The following CEACAM6 variants were observed in gnomAD, a reference collection of about 807,000 sequenced individuals.
The protein encoded by CEACAM6 is CEA cell adhesion molecule 6, also known as cell adhesion molecule CEACAM6.
In CEACAM6, 21 loss-of-function variants were observed where a neutral mutation model predicts 32.4. That is an observed-to-expected ratio of 0.65 (90% CI 0.46 to 0.93). The LOEUF (loss-of-function observed/expected upper bound fraction) is 0.93, where lower values mean the gene tolerates loss of function less well. CEACAM6 is among the 40% of genes least tolerant of loss of function. The probability of loss-of-function intolerance (pLI) is 0.00; values close to 1 mark genes in which losing one functional copy is unlikely to be tolerated. For synonymous variants in CEACAM6, 184 were observed against 174.4 expected (o/e 1.06, Z -0.43); for missense variants, 406 against 432.2 (o/e 0.94, Z 0.54).
At position 41,761,545 on chromosome 19, in the gene CEACAM6, C is replaced by T. The variant is rs2072924436; in HGVS notation, c.703+18C>T. 1 of 1,611,978 alleles carries T rather than the reference C, an allele frequency of 6.2e-7. No individual in the cohort carries two copies. The highest frequency in any genetic ancestry group is 1.3e-5 in the African/African-American group (1 of 74,992). Reference sequence around the variant, plus strand: ...TGTCCTCTGTGAGTATCTTCTGTTCCTCTGTGGCCCAGGCTGCCAGCCCAA... The same window carrying T: ...TGTCCTCTGTGAGTATCTTCTGTTCTTCTGTGGCCCAGGCTGCCAGCCCAA... On this transcript the variant is annotated intron_variant, in intron 3 of 5. Coordinates refer to ENST00000199764, the MANE Select transcript of CEACAM6 (RefSeq NM_002483.7).
chr19:41,764,246 CTT>C (rs2072944031), intron 4 of CEACAM6, among the ~76,000 whole-genome samples: 1 of 152,136 alleles, frequency 6.6e-6, no homozygotes, highest in Non-Finnish European at 1.5e-5. Flanking sequence ...TTACCGCACT[CTT>C]TTAATCTTTA....
chr19:41,757,985 T>C (rs546524786), intron 2 of CEACAM6: 2 of 152,188 alleles, frequency 1.3e-5, no homozygotes, highest in Non-Finnish European at 2.9e-5. Flanking sequence ...CCGGGGGTGA[T>C]GGGGCTGTTT....
intron 4 of CEACAM6, among the ~76,000 whole-genome samples, chr19:41,764,878 T>A (rs1292509845): frequency 6.6e-6 from 1 of 152,244 alleles, no homozygotes; most frequent in African/African-American, 2.4e-5. Context: ...ATCAATTTCT[T>A]GCACAAGATT....
At chr19:41,767,901 G>T (rs1555822527) in intron 5 of CEACAM6, among the ~76,000 whole-genome samples, 1 of 152,012 alleles carries the variant, frequency 6.6e-6, no homozygotes, top group African/African-American at 2.4e-5. Context: ...GGGAAGCACT[G>T]TCAAATGATA....
At chr19:41,769,051 T>C (rs541337909) in intron 5 of CEACAM6, among the ~76,000 whole-genome samples, 2 of 152,170 alleles carry the variant, frequency 1.3e-5, no homozygotes, top group South Asian at 4.2e-4. Flanking sequence ...GTTCAAGCGA[T>C]TCTCCTGCCT....
chr19:41,766,342 C>T, intron 5 of CEACAM6, 43 bp downstream of exon 5: 3 of 1,041,196 alleles, frequency 2.9e-6, no homozygotes, highest in Non-Finnish European at 2.8e-6. Context: ...GCAGGGCTGA[C>T]CACCATGCTT....
At chr19:41,759,982 C>T (rs543042804) in intron 2 of CEACAM6, among the ~76,000 whole-genome samples, 29 of 152,272 alleles carry the variant, frequency 1.9e-4, no homozygotes, top group South Asian at 2.1e-4. Context: ...GGGTGCTAAA[C>T]GGGTAAGTCT....
At position 41,756,754 on chromosome 19, in the gene CEACAM6, G is replaced by A. The variant is rs1371007553; in HGVS notation, c.219G>A (p.Val73=). The A allele has an allele frequency of 1.9e-6, 3 of 1,613,966 alleles. No homozygotes were observed. The African/African-American group carries it at 4.0e-5, about 22-fold the overall frequency. The stretch of plus-strand genomic sequence containing the variant: ...ACAGCTGGTACAAAGGCGAAAGAGT[G>A]GATGGCAACAGTCTAATTGTAGGAT... ...IGYSWYKGER[V]DGNSLIVGYV... Residue 73 remains valine, a synonymous_variant, in exon 2 of 6, where the codon GTG becomes GTA. Coordinates refer to ENST00000199764, the MANE Select transcript of CEACAM6 (RefSeq NM_002483.7).
At position 41,761,341 on chromosome 19, in the gene CEACAM6, A is replaced by G. The variant is rs2072922451; in HGVS notation, c.517A>G (p.Asn173Asp). The G allele has an allele frequency of 6.2e-7, 1 of 1,614,214 alleles. No individual in the cohort carries two copies. The highest frequency in any genetic ancestry group is 8.5e-7 in the Non-Finnish European group (1 of 1,180,024). The change falls in exon 3 of 6, where the codon AAC becomes GAC. Residue 173 changes from asparagine (N) to aspartate (D), a missense_variant. Asn to Asp is a conservative substitution (Grantham distance 23). Transcript: ENST00000199764. ...CTTCACCTGTGAACCTGAGGTTCAG[A>G]ACACAACCTACCTGTGGTGGGTAAA... ...VAFTCEPEVQ[N>D]TTYLWWVNGQ...
Position 41,761,334 on chromosome 19 carries a change from G to A in CEACAM6, c.510G>A (p.Glu170=), listed in dbSNP as rs782511112. The A allele has an allele frequency of 2.0e-5, 33 of 1,614,068 alleles. No homozygotes were observed. The highest frequency in any genetic ancestry group is 3.3e-5 in the Admixed American group (2 of 60,000). The change falls in exon 3 of 6, where the codon GAG becomes GAA. Residue 170 remains glutamate, a synonymous_variant. Transcript: ENST00000199764. ...CTGTGGCCTTCACCTGTGAACCTGA[G>A]GTTCAGAACACAACCTACCTGTGGT... is the stretch of plus-strand genomic sequence containing the variant. ...KDAVAFTCEP[E]VQNTTYLWWV...
chr19:41,769,143 C>T (rs1205604910), intron 5 of CEACAM6, among the ~76,000 whole-genome samples: 2 of 152,064 alleles, frequency 1.3e-5, no homozygotes, highest in African/African-American at 4.8e-5. Flanking sequence ...CGGGGTTTCT[C>T]CATGGTGATA....
intron 2 of CEACAM6, among the ~76,000 whole-genome samples, chr19:41,758,860 C>T (rs2072905431): frequency 6.6e-6 from 1 of 152,190 alleles, no homozygotes; most frequent in South Asian, 2.1e-4. Context: ...TCAGCCGGAG[C>T]AGCCGCCCCT....
At chr19:41,765,957 A>G (rs2072953133) in intron 4 of CEACAM6, among the ~76,000 whole-genome samples, 2 of 152,252 alleles carry the variant, frequency 1.3e-5, no homozygotes, top group African/African-American at 2.4e-5. Context: ...TCAAATTTTC[A>G]AAGCCTTCAA....
Position 41,767,495 on chromosome 19 carries a change from C to T in CEACAM6, c.*40+1196C>T, listed in dbSNP as rs370808300. On this transcript the variant is annotated intron_variant, in intron 5 of 5. Transcript: ENST00000199764. ...ATCATGATACCAAAGTAGAAAGGAG[C>T]GAATGCCACAAAAATTCAGATAAAT... 5.3e-5 allele frequency among the ~76,000 whole-genome samples: 8 copies of T among 152,210 alleles called. No individual in the cohort carries two copies. In the East Asian group the frequency reaches 7.7e-4, roughly 15 times the overall value.
chr19:41,761,105 C>A, intron 2 of CEACAM6, 144 bp from the exon 3 acceptor site: 1 of 1,469,340 alleles, frequency 6.8e-7, no homozygotes. Context: ...CATCGTGCAT[C>A]TGTTGTGTGA....
chr19:41,757,105 G>C (rs1266561447), intron 2 of CEACAM6, 146 bp downstream of exon 2: 27 of 1,377,206 alleles, frequency 2.0e-5, no homozygotes, highest in Admixed American at 4.6e-5. Context: ...CACACACGGG[G>C]GAGACAAACT....
chr19:41,756,455 C>G (rs1379913471), intron 1 of CEACAM6, 145 bp from the exon 2 acceptor site: 2 of 154,636 alleles, frequency 1.3e-5, no homozygotes, highest in East Asian at 1.5e-3. Flanking sequence ...CTCAGTAGGA[C>G]ACACACACAC....
chr19:41,761,474 T>C lies in CEACAM6; in HGVS notation c.650T>C (p.Ile217Thr), dbSNP rs782639699. 6.2e-6 allele frequency: 10 copies of C among 1,614,032 alleles called. No homozygotes were observed. The highest frequency in any genetic ancestry group is 1.3e-5 in the African/African-American group (1 of 74,920). The change falls in exon 3 of 6, where the codon ATA (isoleucine) becomes ACA (threonine). Residue 217 changes from isoleucine (I) to threonine (T), a missense_variant. Ile to Thr is a moderately conservative substitution (Grantham distance 89). Transcript: ENST00000199764. Reference sequence around the variant, plus strand: ...GATGCAGGATCCTATGAATGTGAAATACAGAACCCAGCGAGTGCCAACCGC... The same window carrying C: ...GATGCAGGATCCTATGAATGTGAAACACAGAACCCAGCGAGTGCCAACCGC... The part of the protein sequence containing the change: ...RNDAGSYECE[I>T]QNPASANRSD...
rs1555822950 is a variant in CEACAM6, at chr19:41,771,144, T to G, written c.*383T>G. The G allele has an allele frequency of 1.3e-5, 2 of 152,222 alleles. No homozygotes were observed. The highest frequency in any genetic ancestry group is 4.8e-5 in the African/African-American group (2 of 41,462). The allele number at this position is 152,222 out of a possible 1,614,324, so 9.4% of individuals were successfully genotyped here. A position where few individuals can be genotyped will look rare whatever the true frequency, so the allele number is the denominator to read the frequency against. On this transcript the variant is annotated 3_prime_UTR_variant, in exon 6 of 6. Transcript: ENST00000199764. ...CCTCTTTCGCTTGGCAGGATGATGC[T>G]GTCATTAGTATTTCACAAGAAGTAG...
Sources: allele counts gnomAD v4.1 joint callset (sites outside exome capture counted in the v4.1 genomes callset), GRCh38; gene constraint gnomAD v4.1.1; transcripts MANE v1.5; gene names NCBI Gene and HGNC (gene_info 2026-07-23, HGNC 2026-07-21).